Variants in EXOC4 observed in about 807,000 individuals in gnomAD.
EXOC4 encodes the protein SEC8-like 1.
In EXOC4, 71 loss-of-function variants were observed where a neutral mutation model predicts 107.2. That is an observed-to-expected ratio of 0.66 (90% CI 0.55 to 0.81). The LOEUF (loss-of-function observed/expected upper bound fraction) is 0.81. Among genes scored for constraint, EXOC4 ranks in the 30% least tolerant of loss-of-function variants. EXOC4 has a pLI of 0.00. For synonymous variants in EXOC4, 456 were observed against 441.2 expected, an observed-to-expected ratio of 1.03 and a Z score of -0.42; for missense variants, 1,108 against 1,189.6, an observed-to-expected ratio of 0.93 and a Z score of 1.01.
intron 13 of EXOC4, 37 bp from the exon 14 acceptor site, chr7:133,937,854 C>T (rs1295751141): frequency 6.2e-7 from 1 of 1,607,164 alleles, no homozygotes. Flanking sequence ...CTTTTCCATG[C>T]TGTATATATG....
In EXOC4 at chr7:133,585,694, A is replaced by G. The variant is rs118027045; in HGVS notation, c.1418-44351A>G. On this transcript the variant is annotated intron_variant, in intron 9 of 17. Transcript: ENST00000253861. ...GAAGAGGAGATAAATGATAAGAAAT[A>G]CATACTTTTCTTTTTCTGAGACAGA... is the stretch of plus-strand genomic sequence containing the variant. Among the ~76,000 whole-genome samples, 101 of 152,172 alleles carry G rather than the reference A, an allele frequency of 6.6e-4. 2 individuals carry two copies. The East Asian group carries it at 0.015, about 23-fold the overall frequency.
chr7:133,842,817 G>A (rs943471703), intron 11 of EXOC4, among the ~76,000 whole-genome samples: 1 of 152,046 alleles, frequency 6.6e-6, no homozygotes, highest in Non-Finnish European at 1.5e-5. Flanking sequence ...TTTGTGTATG[G>A]TATAAATAAC....
At chr7:133,537,946 A>G (rs1337759423) in intron 9 of EXOC4, among the ~76,000 whole-genome samples, 2 of 152,198 alleles carry the variant, frequency 1.3e-5, no homozygotes, top group Non-Finnish European at 2.9e-5. Flanking sequence ...TCTTTTATAA[A>G]TAAATGTTTC....
At chr7:133,886,438 T>G (rs1483458689) in intron 11 of EXOC4, among the ~76,000 whole-genome samples, 1 of 152,224 alleles carries the variant, frequency 6.6e-6, no homozygotes, top group Non-Finnish European at 1.5e-5. Flanking sequence ...ACCAAACAAC[T>G]GGTTCACTTT....
intron 11 of EXOC4, among the ~76,000 whole-genome samples, chr7:133,821,670 C>A (rs899201547): frequency 6.6e-6 from 1 of 152,158 alleles, no homozygotes; most frequent in Non-Finnish European, 1.5e-5. Flanking sequence ...GAAGAACTGT[C>A]TAAATCCCTT....
chr7:133,399,563 T>C (rs929852785), intron 7 of EXOC4, among the ~76,000 whole-genome samples: 10 of 152,254 alleles, frequency 6.6e-5, no homozygotes, highest in African/African-American at 2.2e-4. Flanking sequence ...AATTTCTGTA[T>C]GTTCCAAAAG....
At chr7:133,532,052 C>T (rs999092102) in intron 9 of EXOC4, among the ~76,000 whole-genome samples, 6 of 151,792 alleles carry the variant, frequency 4.0e-5, no homozygotes, top group South Asian at 2.1e-4. Flanking sequence ...ATACATGAAA[C>T]GGGTTTATGT....
chr7:133,308,293 A>G (rs1314211822), intron 4 of EXOC4, among the ~76,000 whole-genome samples: 1 of 152,216 alleles, frequency 6.6e-6, no homozygotes, highest in Non-Finnish European at 1.5e-5. Context: ...GGTACCTCAG[A>G]TTATGACTGT....
chr7:133,613,348 G>A (rs1290793366), intron 9 of EXOC4, among the ~76,000 whole-genome samples: 2 of 152,134 alleles, frequency 1.3e-5, no homozygotes, highest in East Asian at 3.9e-4. Flanking sequence ...GTCACCTCCT[G>A]TTGCTGATAC....
chr7:134,041,304 A>G (rs538324568), intron 17 of EXOC4, among the ~76,000 whole-genome samples: 2 of 152,340 alleles, frequency 1.3e-5, no homozygotes, highest in Non-Finnish European at 2.9e-5. Context: ...CAAAAGAAAA[A>G]TTACTTCATA....
intron 7 of EXOC4, among the ~76,000 whole-genome samples, chr7:133,454,127 C>T (rs1284187927): frequency 6.6e-6 from 1 of 152,168 alleles, no homozygotes; most frequent in African/African-American, 2.4e-5. Flanking sequence ...ATTACAGTTT[C>T]ACCCCTACTC....
At chr7:133,418,391 A>G (rs1797526941) in intron 7 of EXOC4, among the ~76,000 whole-genome samples, 1 of 152,226 alleles carries the variant, frequency 6.6e-6, no homozygotes, top group Non-Finnish European at 1.5e-5. Flanking sequence ...AGAATACGGA[A>G]TAATCAGGCT....
intron 15 of EXOC4, among the ~76,000 whole-genome samples, chr7:133,999,552 A>G (rs374211641): frequency 6.6e-6 from 1 of 152,172 alleles, no homozygotes; most frequent in African/African-American, 2.4e-5. Context: ...CATATTTGGT[A>G]TCTCTTTATT....
At chr7:133,550,560 G>A (rs1025434839) in intron 9 of EXOC4, among the ~76,000 whole-genome samples, 7 of 152,120 alleles carry the variant, frequency 4.6e-5, no homozygotes, top group African/African-American at 1.7e-4. Context: ...TGGCCTTACT[G>A]TGTTTTATTA....
chr7:134,057,571 T>C (rs1795960956), intron 17 of EXOC4, among the ~76,000 whole-genome samples: 1 of 152,192 alleles, frequency 6.6e-6, no homozygotes, highest in Non-Finnish European at 1.5e-5. Flanking sequence ...AGCAATTAGA[T>C]TATACTTTTT....
chr7:133,923,569 C>T (rs1799986237), intron 13 of EXOC4, among the ~76,000 whole-genome samples: 1 of 152,102 alleles, frequency 6.6e-6, no homozygotes, highest in Non-Finnish European at 1.5e-5. Flanking sequence ...TCTTTTGTAA[C>T]ATATTTGTTC....
At chr7:134,040,111 C>T (rs1217234079) in intron 17 of EXOC4, among the ~76,000 whole-genome samples, 1 of 152,158 alleles carries the variant, frequency 6.6e-6, no homozygotes, top group Non-Finnish European at 1.5e-5. Context: ...TGGAATAAAG[C>T]GACAGTCCCA....
At chr7:133,916,312 A>G (rs564583047) in intron 12 of EXOC4, among the ~76,000 whole-genome samples, 1 of 152,310 alleles carries the variant, frequency 6.6e-6, no homozygotes, top group South Asian at 2.1e-4. Flanking sequence ...TGTGCCGCCC[A>G]GTTCCTAACA....
At chr7:133,473,721 A>T (rs7779409) in intron 7 of EXOC4, among the ~76,000 whole-genome samples, 2 of 150,930 alleles carry the variant, frequency 1.3e-5, no homozygotes, top group East Asian at 3.9e-4. Flanking sequence ...TTTTTTTTAA[A>T]ACGGAGCCTC....
Sources: gnomAD v4.1 joint callset for allele counts (sites outside exome capture counted in the v4.1 genomes callset) on GRCh38, gnomAD v4.1.1 for gene constraint, MANE v1.5 for transcripts, NCBI Gene and HGNC (gene_info 2026-07-23, HGNC 2026-07-21) for gene names.